The following LHFPL2 variants were observed in gnomAD, a reference collection of about 807,000 sequenced individuals.
LHFPL2 encodes LHFPL tetraspan subfamily member 2.
LHFPL2 carries 7 observed loss-of-function variants against 17.5 expected under a neutral mutation model. The ratio of observed to expected loss-of-function variants is 0.40; its 90% CI spans 0.23 to 0.75. The LOEUF (loss-of-function observed/expected upper bound fraction) is 0.75. Ranked by LOEUF, LHFPL2 falls within the 30% of genes least tolerant of loss-of-function variation. The pLI is 0.37. For synonymous variants in LHFPL2, 134 were observed against 116.2 expected, an observed-to-expected ratio of 1.15 and a Z score of -0.99; for missense variants, 241 against 294.8, an observed-to-expected ratio of 0.82 and a Z score of 1.34.
At position 78,512,283 on chromosome 5, in the gene LHFPL2, C is replaced by T. The variant is rs146079744; in HGVS notation, c.-185-1885G>A. Among the ~76,000 whole-genome samples, 11 of 152,026 alleles carry T rather than the reference C, an allele frequency of 7.2e-5. No individual in the cohort carries two copies. The East Asian group carries it at 1.4e-3, about 19-fold the overall frequency. ...AAACTTACCTTGCAGCCTTCAAGGG[C>T]AGAGTCCTGGTCTTCCTGTTTCCCC... On this transcript the variant is annotated intron_variant, in intron 3 of 4. Coordinates refer to ENST00000380345, the MANE Select transcript of LHFPL2 (RefSeq NM_005779.3).
chr5:78,535,282 C>A lies in LHFPL2; in HGVS notation c.-185-24884G>T, dbSNP rs1261948548. Among the ~76,000 whole-genome samples the A allele has an allele frequency of 2.6e-5, 4 of 152,172 alleles. No individual in the cohort carries two copies. In the East Asian group the frequency reaches 5.8e-4, roughly 22 times the overall value. ...ACGTAGGCAGGGTCCTGGCCTTCCA[C>A]CCACCTCCTCCCTGAGCAAATCAGG... is the stretch of plus-strand genomic sequence containing the variant. On this transcript the variant is annotated intron_variant, in intron 3 of 4. Transcript: ENST00000380345.
At chr5:78,536,996 C>G (rs941465411) in intron 3 of LHFPL2, among the ~76,000 whole-genome samples, 1 of 152,202 alleles carries the variant, frequency 6.6e-6, no homozygotes, top group Non-Finnish European at 1.5e-5. Context: ...TAAGTGTGCT[C>G]CCTGGACCAG....
At chr5:78,539,485 T>C (rs1011274567) in intron 3 of LHFPL2, among the ~76,000 whole-genome samples, 1 of 152,186 alleles carries the variant, frequency 6.6e-6, no homozygotes, top group Non-Finnish European at 1.5e-5. Flanking sequence ...TAAAAGATGG[T>C]AAAGTGCTTA....
chr5:78,573,212 T>C (rs1029628200), intron 2 of LHFPL2, among the ~76,000 whole-genome samples: 1 of 152,188 alleles, frequency 6.6e-6, no homozygotes, highest in Non-Finnish European at 1.5e-5. Flanking sequence ...TTGTCTACCA[T>C]GGTGGGTGCA....
intron 3 of LHFPL2, among the ~76,000 whole-genome samples, chr5:78,547,678 T>A (rs553474238): frequency 6.6e-6 from 1 of 151,204 alleles, no homozygotes; most frequent in African/African-American, 2.4e-5. Context: ...AAAAAAAAAT[T>A]GAGAAATTCA....
At chr5:78,638,692 G>T (rs533613804) in intron 1 of LHFPL2, among the ~76,000 whole-genome samples, 1 of 152,160 alleles carries the variant, frequency 6.6e-6, no homozygotes, top group Non-Finnish European at 1.5e-5. Context: ...GAATGACAAG[G>T]GGAGGCTAAC....
chr5:78,584,075 C>T (rs1367428255), intron 2 of LHFPL2, among the ~76,000 whole-genome samples: 2,364 of 151,638 alleles, frequency 0.016, 60 homozygotes, highest in African/African-American at 0.054. Flanking sequence ...TTGATCGCAT[C>T]GGCTCCTGAG....
intron 2 of LHFPL2, among the ~76,000 whole-genome samples, chr5:78,584,101 A>G (rs1580831793): frequency 6.6e-6 from 1 of 150,920 alleles, no homozygotes; most frequent in African/African-American, 2.4e-5. Context: ...TGCATTCTTC[A>G]CGTAGTTCTC....
intron 2 of LHFPL2, among the ~76,000 whole-genome samples, chr5:78,595,075 A>C (rs887927214): frequency 2.6e-5 from 4 of 152,218 alleles, no homozygotes; most frequent in Non-Finnish European, 4.4e-5. Flanking sequence ...AAGAATGTGA[A>C]AATAATCAGC....
intron 2 of LHFPL2, among the ~76,000 whole-genome samples, chr5:78,574,837 A>G (rs995882928): frequency 6.6e-6 from 1 of 152,202 alleles, no homozygotes; most frequent in African/African-American, 2.4e-5. Context: ...ATTCATGCTA[A>G]AGCAGGGTGA....
chr5:78,575,655 A>T (rs934729623), intron 2 of LHFPL2, among the ~76,000 whole-genome samples: 3 of 152,250 alleles, frequency 2.0e-5, no homozygotes, highest in African/African-American at 4.8e-5. Flanking sequence ...GTGTCTTTTT[A>T]AAATGGAACA....
At chr5:78,583,874 G>T (rs1257108944) in intron 2 of LHFPL2, among the ~76,000 whole-genome samples, 1 of 150,328 alleles carries the variant, frequency 6.7e-6, no homozygotes, top group Non-Finnish European at 1.5e-5. Context: ...ATCCTGCAGA[G>T]TGTTTTCCAA....
chr5:78,591,071 C>T (rs1028357185), intron 2 of LHFPL2, among the ~76,000 whole-genome samples: 1 of 152,152 alleles, frequency 6.6e-6, no homozygotes, highest in South Asian at 2.1e-4. Context: ...AATGAATGCA[C>T]TAATTTGTGG....
intron 3 of LHFPL2, among the ~76,000 whole-genome samples, chr5:78,540,717 T>C (rs1192149706): frequency 2.0e-5 from 3 of 152,234 alleles, no homozygotes; most frequent in Non-Finnish European, 2.9e-5. Flanking sequence ...ACTACCAATG[T>C]CACTGCATTA....
intron 2 of LHFPL2, among the ~76,000 whole-genome samples, chr5:78,579,491 C>A (rs13184835): frequency 1.1e-4 from 16 of 152,284 alleles, no homozygotes; most frequent in African/African-American, 2.9e-4. Context: ...AACCCTCCCC[C>A]CTTCCCCGAC....
intron 4 of LHFPL2, among the ~76,000 whole-genome samples, chr5:78,497,526 T>C (rs1463946728): frequency 6.6e-6 from 1 of 152,220 alleles, no homozygotes; most frequent in Non-Finnish European, 1.5e-5. Flanking sequence ...GTTTGTTCTT[T>C]GTGTCCCAAC....
intron 2 of LHFPL2, among the ~76,000 whole-genome samples, chr5:78,569,527 G>A (rs1756942246): frequency 6.6e-6 from 1 of 152,118 alleles, no homozygotes; most frequent in Non-Finnish European, 1.5e-5. Flanking sequence ...AACAGGTCCA[G>A]GACTACCTCA....
At chr5:78,590,439 A>G (rs992965619) in intron 2 of LHFPL2, among the ~76,000 whole-genome samples, 4 of 152,102 alleles carry the variant, frequency 2.6e-5, no homozygotes, top group African/African-American at 7.3e-5. Flanking sequence ...CTGATTTCAC[A>G]TATTTTTTTA....
intron 3 of LHFPL2, among the ~76,000 whole-genome samples, chr5:78,550,651 A>G (rs1756413480): frequency 2.0e-5 from 3 of 151,938 alleles, no homozygotes; most frequent in Non-Finnish European, 4.4e-5. Flanking sequence ...GCTCACTGCA[A>G]TCTCCGCCTC....
Sources: gnomAD v4.1 joint callset for allele counts (sites outside exome capture counted in the v4.1 genomes callset) on GRCh38, gnomAD v4.1.1 for gene constraint, MANE v1.5 for transcripts, NCBI Gene and HGNC (gene_info 2026-07-23, HGNC 2026-07-21) for gene names.